Variants in TAFA1 observed in about 807,000 individuals in gnomAD.
TAFA1 encodes chemokine-like protein TAFA-1.
Under a neutral mutation model 18.5 loss-of-function variants are expected in TAFA1, and 4 were observed. The observed-to-expected ratio is 0.22, with a 90% CI of 0.11 to 0.49. TAFA1 has a LOEUF of 0.49. Among genes scored for constraint, TAFA1 ranks in the 20% least tolerant of loss-of-function variants. The pLI, the probability that TAFA1 is intolerant of heterozygous loss-of-function variation, is 0.98. For synonymous variants in TAFA1, 56 were observed against 55.2 expected, an observed-to-expected ratio of 1.01 and a Z score of -0.06; for missense variants, 147 against 169.0, an observed-to-expected ratio of 0.87 and a Z score of 0.72.
intron 3 of TAFA1, among the ~76,000 whole-genome samples, chr3:68,464,565 G>A (rs937705755): frequency 6.6e-6 from 1 of 152,110 alleles, no homozygotes; most frequent in African/African-American, 2.4e-5. Flanking sequence ...AGGAGACGGT[G>A]GCATGAGATG....
chr3:68,419,208 A>G (rs982327431), intron 3 of TAFA1, among the ~76,000 whole-genome samples: 1 of 152,184 alleles, frequency 6.6e-6, no homozygotes, highest in Non-Finnish European at 1.5e-5. Context: ...AATATCCTAC[A>G]GGTTATACCC....
At chr3:68,006,485 C>A in intron 1 of TAFA1, 139 bp from the exon 2 acceptor site, 1 of 641,972 alleles carries the variant, frequency 1.6e-6, no homozygotes, top group Non-Finnish European at 2.9e-6. Context: ...ATGGCATGAC[C>A]TCTGCTGGAT....
intron 2 of TAFA1, among the ~76,000 whole-genome samples, chr3:68,323,941 C>T (rs2068733913): frequency 6.6e-6 from 1 of 152,128 alleles, no homozygotes; most frequent in Non-Finnish European, 1.5e-5. Context: ...AAGAAGGGCA[C>T]CTATGTCTCC....
chr3:68,406,592 C>T (rs2070614767), intron 2 of TAFA1, among the ~76,000 whole-genome samples: 1 of 152,102 alleles, frequency 6.6e-6, no homozygotes, highest in South Asian at 2.1e-4. Context: ...TCAGTTGTTT[C>T]ATTTCTGAGA....
At chr3:68,317,725 A>G (rs1461788746) in intron 2 of TAFA1, among the ~76,000 whole-genome samples, 2 of 152,168 alleles carry the variant, frequency 1.3e-5, no homozygotes, top group Non-Finnish European at 2.9e-5. Flanking sequence ...ACTTTATTCA[A>G]AAAGTAGGGG....
chr3:68,061,154 A>G (rs757314742), intron 2 of TAFA1, among the ~76,000 whole-genome samples: 1 of 152,242 alleles, frequency 6.6e-6, no homozygotes, highest in Non-Finnish European at 1.5e-5. Context: ...GGAAAGCTCC[A>G]TGACATGGCA....
At chr3:68,097,123 C>G (rs1270307371) in intron 2 of TAFA1, among the ~76,000 whole-genome samples, 1 of 152,028 alleles carries the variant, frequency 6.6e-6, no homozygotes, top group East Asian at 1.9e-4. Flanking sequence ...ATGCATTTTC[C>G]GACCTTGTGT....
At chr3:68,202,092 C>T (rs937614351) in intron 2 of TAFA1, among the ~76,000 whole-genome samples, 28 of 151,758 alleles carry the variant, frequency 1.8e-4, no homozygotes, top group African/African-American at 6.8e-4. Context: ...TAAGTCCCAT[C>T]TCCTAACACC....
intron 2 of TAFA1, among the ~76,000 whole-genome samples, chr3:68,376,336 A>G (rs1467264623): frequency 6.6e-6 from 1 of 151,118 alleles, no homozygotes; most frequent in African/African-American, 2.4e-5. Context: ...TTTTTTTTAC[A>G]GATCATTTCA....
intron 3 of TAFA1, among the ~76,000 whole-genome samples, chr3:68,453,523 G>C (rs563752061): frequency 6.6e-6 from 1 of 152,228 alleles, no homozygotes; most frequent in African/African-American, 2.4e-5. Context: ...TGGTTTTGTA[G>C]ATGGAAAATG....
intron 2 of TAFA1, among the ~76,000 whole-genome samples, chr3:68,025,303 AC>A (rs1159863396): frequency 2.0e-5 from 3 of 151,966 alleles, no homozygotes; most frequent in African/African-American, 7.2e-5. Flanking sequence ...GACTCCAACC[AC>A]TTCCCACCAC....
intron 2 of TAFA1, among the ~76,000 whole-genome samples, chr3:68,200,814 A>C (rs545960094): frequency 6.6e-6 from 1 of 151,530 alleles, no homozygotes; most frequent in South Asian, 2.1e-4. Context: ...CTTTTGATTG[A>C]ATTGATTTTT....
rs564296328 is a variant in TAFA1, at chr3:68,139,891, T to C, written c.118+133147T>C. 4.6e-5 allele frequency among the ~76,000 whole-genome samples: 7 copies of C among 152,346 alleles called. No individual in the cohort carries two copies. The South Asian group carries it at 1.4e-3, about 32-fold the overall frequency. ...GGCTGGCTCTATGGCTTACTAGCTG[T>C]ATGTGATATTGGGTAATGTCAAAGA... On this transcript the variant is annotated intron_variant, in intron 2 of 4. Transcript: ENST00000478136.
chr3:68,277,373 A>T (rs1051213652), intron 2 of TAFA1, among the ~76,000 whole-genome samples: 1 of 152,092 alleles, frequency 6.6e-6, no homozygotes, highest in Non-Finnish European at 1.5e-5. Context: ...ATTACTCAGG[A>T]TCCTTCTGGC....
At chr3:68,428,788 A>C (rs1289132241) in intron 3 of TAFA1, among the ~76,000 whole-genome samples, 4 of 151,998 alleles carry the variant, frequency 2.6e-5, no homozygotes, top group African/African-American at 9.7e-5. Context: ...CTAGACACTC[A>C]TTCAAAGGAA....
At chr3:68,335,603 G>A (rs1384250542) in intron 2 of TAFA1, among the ~76,000 whole-genome samples, 1 of 152,002 alleles carries the variant, frequency 6.6e-6, no homozygotes, top group African/African-American at 2.4e-5. Context: ...AATTGGAGAG[G>A]ATATCCTATA....
chr3:68,510,416 A>G (rs1334257930), intron 3 of TAFA1, among the ~76,000 whole-genome samples: 1 of 152,088 alleles, frequency 6.6e-6, no homozygotes, highest in Non-Finnish European at 1.5e-5. Context: ...CAATCATACC[A>G]TCTTGAACTA....
chr3:68,427,405 T>C (rs1444311896), intron 3 of TAFA1, among the ~76,000 whole-genome samples: 1 of 151,824 alleles, frequency 6.6e-6, no homozygotes, highest in Non-Finnish European at 1.5e-5. Flanking sequence ...CTAGCAAATC[T>C]TGTGAATTAT....
In TAFA1 at chr3:68,401,993, C is replaced by CA. The variant is rs554674881; in HGVS notation, c.119-15284dup. ...CTAGCAATAGCAATAATACTAAGAA[C>CA]AAACACTTATTTTAAAAGTGTTTCT... On this transcript the variant is annotated intron_variant, in intron 2 of 4. Coordinates refer to ENST00000478136, the MANE Select transcript of TAFA1 (RefSeq NM_213609.4). Among the ~76,000 whole-genome samples the CA allele has an allele frequency of 4.3e-4, 65 of 152,322 alleles. 3 individuals carry two copies. The South Asian group carries it at 0.013, about 31-fold the overall frequency.
Sources: allele counts gnomAD v4.1 joint callset (sites outside exome capture counted in the v4.1 genomes callset), GRCh38; gene constraint gnomAD v4.1.1; transcripts MANE v1.5; gene names NCBI Gene and HGNC (gene_info 2026-07-23, HGNC 2026-07-21).